SBF2: variants seen among roughly 807,000 people sequenced by gnomAD.
SBF2 encodes SET binding factor 2.
A neutral mutation model predicts 225.2 loss-of-function variants in SBF2; 112 were observed. That is an observed-to-expected ratio of 0.50 (90% confidence interval 0.43 to 0.58). SBF2 has a LOEUF of 0.58. Ranked by LOEUF, SBF2 falls within the 20% of genes least tolerant of loss-of-function variation. The pLI is 0.00. For missense variants in SBF2, 1,996 were observed against 2,206.2 expected (o/e 0.90, Z 1.91); for synonymous variants, 763 against 773.3 (o/e 0.99, Z 0.22).
At chr11:10,005,931 G>A (rs568592448) in intron 6 of SBF2, among the ~76,000 whole-genome samples, 1 of 152,222 alleles carries the variant, frequency 6.6e-6, no homozygotes, top group East Asian at 1.9e-4. Context: ...AGCTCACAGG[G>A]GTAGGAAGGA....
At chr11:9,826,225 T>C (rs1055342643) in intron 28 of SBF2, among the ~76,000 whole-genome samples, 1 of 152,174 alleles carries the variant, frequency 6.6e-6, no homozygotes, top group Non-Finnish European at 1.5e-5. Flanking sequence ...TCAAATGATA[T>C]TAATCTCCAC....
intron 4 of SBF2, among the ~76,000 whole-genome samples, chr11:10,030,174 A>G (rs1404660787): frequency 6.6e-6 from 1 of 152,210 alleles, no homozygotes; most frequent in East Asian, 1.9e-4. Context: ...TTTTGCCTCA[A>G]CTTAAGTCTG....
chr11:9,807,947 G>T (rs947247596), intron 32 of SBF2, 53 bp downstream of exon 32: 1 of 1,485,310 alleles, frequency 6.7e-7, no homozygotes, highest in South Asian at 1.1e-5. Flanking sequence ...ATCAATGCTA[G>T]TATGTTGTGT....
rs572477370 is a variant in SBF2, at chr11:10,117,054, T to C, written c.142-74073A>G. On this transcript the variant is annotated intron_variant, in intron 2 of 39. Coordinates refer to ENST00000256190, the MANE Select transcript of SBF2 (RefSeq NM_030962.4). ...AGAGTAATTAAGTGAAGTGCCCAGA[T>C]CAAAGAGATAAATATTTCAAGCTAG... Among the ~76,000 whole-genome samples, 256 of 152,244 alleles carry C rather than the reference T, an allele frequency of 1.7e-3. 1 individual carries two copies. The highest frequency in any genetic ancestry group is 3.1e-3 in the Admixed American group (47 of 15,286).
At chr11:10,090,764 C>CAAAAAAAAAAAAAAAAAAA (rs201577494) in intron 2 of SBF2, among the ~76,000 whole-genome samples, 7 of 44,422 alleles carry the variant, frequency 1.6e-4, no homozygotes, top group Non-Finnish European at 2.2e-4. Flanking sequence ...GATTCCATCT[C>CAAAAAAAAAAAAAAAAAAA]AAAAAAAAAA....
intron 2 of SBF2, among the ~76,000 whole-genome samples, chr11:10,071,589 T>C (rs1950880927): frequency 6.6e-6 from 1 of 152,186 alleles, no homozygotes; most frequent in South Asian, 2.1e-4. Flanking sequence ...TCAAAGGGAA[T>C]GCTTCCAGTT....
chr11:10,233,856 A>G (rs4910107), intron 1 of SBF2, among the ~76,000 whole-genome samples: 80,914 of 151,952 alleles, frequency 0.53, 21,882 homozygotes, highest in Admixed American at 0.62. Flanking sequence ...CCTTCGATAT[A>G]CAATCTTACT....
At chr11:9,851,135 C>CAAAAAAAAAA (rs773210379) in intron 21 of SBF2, among the ~76,000 whole-genome samples, 17 of 72,394 alleles carry the variant, frequency 2.3e-4, no homozygotes, top group South Asian at 9.7e-4. Flanking sequence ...GACTCCATCT[C>CAAAAAAAAAA]AAAAAAAAAA....
chr11:9,985,075 C>T (rs115209100), intron 13 of SBF2, among the ~76,000 whole-genome samples: 1,799 of 152,238 alleles, frequency 0.012, 8 homozygotes, highest in Middle Eastern at 0.048. Flanking sequence ...ACGAAGAGCA[C>T]GATGAAAGCA....
chr11:9,939,523 T>C (rs929945892), intron 16 of SBF2, among the ~76,000 whole-genome samples: 1 of 152,214 alleles, frequency 6.6e-6, no homozygotes, highest in African/African-American at 2.4e-5. Flanking sequence ...TACTGAAACT[T>C]TTCATGGGTG....
At chr11:10,204,396 T>G (rs927799416) in intron 1 of SBF2, among the ~76,000 whole-genome samples, 1 of 151,994 alleles carries the variant, frequency 6.6e-6, no homozygotes, top group African/African-American at 2.4e-5. Context: ...TACCCAGCAC[T>G]TTGGGAGGCC....
chr11:9,880,579 T>C (rs572286918), intron 17 of SBF2, among the ~76,000 whole-genome samples: 6 of 152,334 alleles, frequency 3.9e-5, no homozygotes, highest in African/African-American at 1.4e-4. Context: ...TCTATTATAC[T>C]AGCCTACTAA....
intron 26 of SBF2, among the ~76,000 whole-genome samples, chr11:9,833,364 A>C (rs12416694): frequency 2.0e-5 from 3 of 151,690 alleles, no homozygotes; most frequent in African/African-American, 7.3e-5. Flanking sequence ...ATATTACACA[A>C]AACAGATTTT....
chr11:9,956,751 A>G (rs1019003135), intron 16 of SBF2: 1 of 152,188 alleles, frequency 6.6e-6, no homozygotes, highest in African/African-American at 2.4e-5. Flanking sequence ...AAACCAGAGA[A>G]TGGTAGCGGA....
At chr11:10,112,042 T>C (rs1952888837) in intron 2 of SBF2, among the ~76,000 whole-genome samples, 1 of 152,348 alleles carries the variant, frequency 6.6e-6, no homozygotes, top group African/African-American at 2.4e-5. Flanking sequence ...CACAGAAAGA[T>C]GTAGTCTCTA....
Position 9,926,410 on chromosome 11 carries a change from C to A in SBF2, c.1861-30399G>T, listed in dbSNP as rs147955144. 3.8e-3 allele frequency among the ~76,000 whole-genome samples: 578 copies of A among 151,988 alleles called. 3 individuals carry two copies. The highest frequency in any genetic ancestry group is 5.2e-3 in the South Asian group (25 of 4,820). Reference sequence around the variant, plus strand: ...GGAAAAAGCAAAAGGATGGCCCCTACTTAAAATTTCATAATGCTATACCAA... The same window carrying A: ...GGAAAAAGCAAAAGGATGGCCCCTAATTAAAATTTCATAATGCTATACCAA... On this transcript the variant is annotated intron_variant, in intron 16 of 39. Coordinates refer to ENST00000256190, the MANE Select transcript of SBF2 (RefSeq NM_030962.4).
intron 26 of SBF2, chr11:9,838,638 T>A (rs1855890446): frequency 6.6e-6 from 1 of 152,192 alleles, no homozygotes; most frequent in Admixed American, 6.5e-5. Flanking sequence ...GACATATCTA[T>A]CTTCAAGAGC....
At chr11:9,798,745 G>T (rs1289163900) in intron 32 of SBF2, among the ~76,000 whole-genome samples, 2 of 152,124 alleles carry the variant, frequency 1.3e-5, no homozygotes, top group Admixed American at 1.3e-4. Context: ...AGGAGATTGA[G>T]ACCATCCTGG....
intron 33 of SBF2, among the ~76,000 whole-genome samples, chr11:9,791,707 G>C (rs975937070): frequency 4.7e-4 from 72 of 152,354 alleles, no homozygotes; most frequent in African/African-American, 1.7e-3. Flanking sequence ...AAATGCTCTA[G>C]GGGTTGCAGT....
Sources: allele counts gnomAD v4.1 joint callset (sites outside exome capture counted in the v4.1 genomes callset), GRCh38; gene constraint gnomAD v4.1.1; transcripts MANE v1.5; gene names NCBI Gene and HGNC (gene_info 2026-07-23, HGNC 2026-07-21).